DENND1A: variants seen among roughly 807,000 people sequenced by gnomAD.
DENND1A encodes the protein DENN domain containing 1A.
DENND1A carries 51 observed loss-of-function variants against 113.7 expected under a neutral mutation model. That is an observed-to-expected ratio of 0.45 (90% CI 0.36 to 0.57). The LOEUF is 0.57. Among genes scored for constraint, DENND1A ranks in the 20% least tolerant of loss-of-function variants. The pLI is 0.00. For missense variants in DENND1A, 1,258 were observed against 1,395.9 expected, an observed-to-expected ratio of 0.90 and a Z score of 1.57; for synonymous variants, 565 against 570.8, an observed-to-expected ratio of 0.99 and a Z score of 0.14.
intron 13 of DENND1A, among the ~76,000 whole-genome samples, chr9:123,516,284 G>C (rs1450880899): frequency 6.6e-6 from 1 of 151,906 alleles, no homozygotes; most frequent in African/African-American, 2.4e-5. Flanking sequence ...TTTGGGCTGG[G>C]GTGGGGAATC....
intron 5 of DENND1A, among the ~76,000 whole-genome samples, chr9:123,715,824 C>T (rs543657214): frequency 1.4e-4 from 21 of 152,124 alleles, no homozygotes; most frequent in African/African-American, 4.8e-4. Flanking sequence ...CGAGAGGCGG[C>T]GCCACCATGC....
chr9:123,887,872 ATGACT>A (rs1849326120), intron 1 of DENND1A, among the ~76,000 whole-genome samples: 1 of 152,244 alleles, frequency 6.6e-6, no homozygotes, highest in African/African-American at 2.4e-5. Context: ...GAAAACCAAC[ATGACT>A]TATACAAAGT....
intron 5 of DENND1A, among the ~76,000 whole-genome samples, chr9:123,741,927 A>G (rs1285471473): frequency 6.6e-6 from 1 of 152,246 alleles, no homozygotes; most frequent in Non-Finnish European, 1.5e-5. Flanking sequence ...TCTTTCCTTT[A>G]AAAAGAAAGT....
intron 13 of DENND1A, among the ~76,000 whole-genome samples, chr9:123,478,862 T>C (rs2050121764): frequency 6.6e-6 from 1 of 152,240 alleles, no homozygotes; most frequent in Non-Finnish European, 1.5e-5. Flanking sequence ...GGTAGCTGAC[T>C]GTGTTATTCC....
intron 19 of DENND1A, among the ~76,000 whole-genome samples, chr9:123,439,199 T>G (rs1463381716): frequency 2.6e-5 from 4 of 152,236 alleles, no homozygotes; most frequent in Non-Finnish European, 2.9e-5. Flanking sequence ...ACTTATTAAC[T>G]AAATGAGTAT....
At chr9:123,697,481 C>T (rs1564968281) in intron 5 of DENND1A, among the ~76,000 whole-genome samples, 1 of 152,044 alleles carries the variant, frequency 6.6e-6, no homozygotes, top group Non-Finnish European at 1.5e-5. Context: ...TTTTGGTGCA[C>T]CCATCACTCG....
At chr9:123,420,267 G>A (rs180820173) in intron 19 of DENND1A, among the ~76,000 whole-genome samples, 228 of 152,284 alleles carry the variant, frequency 1.5e-3, no homozygotes, top group African/African-American at 5.0e-3. Flanking sequence ...TATGATTGCC[G>A]CTCTGTAGAC....
chr9:123,698,022 A>G (rs2065634903), intron 5 of DENND1A, among the ~76,000 whole-genome samples: 1 of 152,222 alleles, frequency 6.6e-6, no homozygotes, highest in South Asian at 2.1e-4. Flanking sequence ...ACCTGCAGAT[A>G]ATAGAAGTTA....
At chr9:123,706,215 A>G (rs2140826338) in intron 5 of DENND1A, among the ~76,000 whole-genome samples, 2 of 150,652 alleles carry the variant, frequency 1.3e-5, no homozygotes, top group East Asian at 4.0e-4. Context: ...CAGTGGCGCA[A>G]TCTCGGCTCA....
intron 13 of DENND1A, among the ~76,000 whole-genome samples, chr9:123,539,206 GA>G (rs2056089496): frequency 6.6e-6 from 1 of 152,064 alleles, no homozygotes; most frequent in South Asian, 2.1e-4. Context: ...AAAAGGGACT[GA>G]ACCTCAGTCT....
At chr9:123,913,106 G>T (rs1419067771) in intron 1 of DENND1A, among the ~76,000 whole-genome samples, 2 of 97,864 alleles carry the variant, frequency 2.0e-5, no homozygotes, top group Non-Finnish European at 3.9e-5. Context: ...CCAGACCAAA[G>T]ACAGTTTAAA....
chr9:123,706,072 G>C (rs1190292135), intron 5 of DENND1A, among the ~76,000 whole-genome samples: 1 of 151,976 alleles, frequency 6.6e-6, no homozygotes, highest in Non-Finnish European at 1.5e-5. Flanking sequence ...AATGCAGCAA[G>C]AAATGGTGTT....
intron 11 of DENND1A, among the ~76,000 whole-genome samples, chr9:123,586,801 C>T (rs1211405424): frequency 6.6e-6 from 1 of 152,098 alleles, no homozygotes; most frequent in Non-Finnish European, 1.5e-5. Flanking sequence ...GCCAGACCGT[C>T]GCCAGGTGCC....
intron 13 of DENND1A, among the ~76,000 whole-genome samples, chr9:123,502,266 C>A (rs1002518021): frequency 6.6e-6 from 1 of 151,648 alleles, no homozygotes; most frequent in Non-Finnish European, 1.5e-5. Context: ...TCTATATCTA[C>A]ATCTATATCT....
At position 123,792,575 on chromosome 9, in the gene DENND1A, C is replaced by T. The variant is rs754470033; in HGVS notation, c.132+12G>A. ...ATTTTGTCATGTAAAAAATTAATTA[C>T]GCATTCCGAACCTGGTCACTGTAGT... is the stretch of plus-strand genomic sequence containing the variant. On this transcript the variant is annotated intron_variant, in intron 3 of 23. Coordinates refer to ENST00000394215, the MANE Select transcript of DENND1A (RefSeq NM_001352964.2). 2.3e-5 allele frequency: 37 copies of T among 1,610,960 alleles called. No homozygotes were observed. Among genetic ancestry groups the T allele is most frequent in the Non-Finnish European group, 2.9e-5 (34 of 1,178,522 alleles).
At chr9:123,763,005 C>G (rs1302255239) in intron 4 of DENND1A, among the ~76,000 whole-genome samples, 2 of 151,880 alleles carry the variant, frequency 1.3e-5, no homozygotes, top group Admixed American at 6.6e-5. Flanking sequence ...AAAGTGGCAT[C>G]ACATTAAGCT....
At chr9:123,686,097 A>G (rs2064795048) in intron 5 of DENND1A, among the ~76,000 whole-genome samples, 1 of 152,282 alleles carries the variant, frequency 6.6e-6, no homozygotes, top group African/African-American at 2.4e-5. Context: ...GTCAGATGCC[A>G]TTTGATATTA....
At chr9:123,691,776 C>T (rs2065206109) in intron 5 of DENND1A, among the ~76,000 whole-genome samples, 1 of 152,008 alleles carries the variant, frequency 6.6e-6, no homozygotes, top group African/African-American at 2.4e-5. Context: ...CAGATAAACT[C>T]AACAATTTTA....
chr9:123,452,275 C>A lies in DENND1A; in HGVS notation c.1299+1G>T. The A allele has an allele frequency of 6.2e-7, 1 of 1,614,108 alleles. No homozygotes were observed. Among genetic ancestry groups the A allele is most frequent in the African/African-American group, 1.3e-5 (1 of 75,058 alleles). On this transcript the variant is annotated splice_donor_variant, in intron 17 of 23. Transcript: ENST00000394215. LOFTEE classifies it high-confidence loss of function. ...CTCCTGACAGCAAGACCAGTACTTA[C>A]GAACTTGTAGACAGTCTTCATGGCC...
Sources: gnomAD v4.1 joint callset for allele counts (sites outside exome capture counted in the v4.1 genomes callset) on GRCh38, gnomAD v4.1.1 for gene constraint, MANE v1.5 for transcripts, NCBI Gene and HGNC (gene_info 2026-07-23, HGNC 2026-07-21) for gene names.